Variants in ACACA observed in about 807,000 individuals in gnomAD.
ACACA encodes the protein acetyl-CoA carboxylase 1.
Under a neutral mutation model 296.1 loss-of-function variants are expected in ACACA, and 103 were observed. The observed-to-expected ratio is 0.35, with a 90% confidence interval of 0.30 to 0.41. The LOEUF is 0.41. Among genes scored for constraint, ACACA ranks in the 10% least tolerant of loss-of-function variants. ACACA has a pLI of 1.00. For missense variants in ACACA, 1,554 were observed against 2,989.7 expected (o/e 0.52, Z 11.20); for synonymous variants, 953 against 1,038.6 (o/e 0.92, Z 1.58).
intron 1 of ACACA, chr17:37,389,430 C>A (rs1168726184): frequency 1.3e-6 from 2 of 1,528,440 alleles, no homozygotes; most frequent in Admixed American, 2.0e-5. Flanking sequence ...GGCGTGGTGG[C>A]TCACACCTCT....
intron 41 of ACACA, among the ~76,000 whole-genome samples, chr17:37,172,563 A>C (rs902687714): frequency 6.6e-6 from 1 of 152,184 alleles, no homozygotes; most frequent in African/African-American, 2.4e-5. Flanking sequence ...TAGAATGGGA[A>C]TAAAAGAACA....
At chr17:37,157,447 T>C (rs1011387401) in intron 42 of ACACA, among the ~76,000 whole-genome samples, 10 of 152,184 alleles carry the variant, frequency 6.6e-5, no homozygotes, top group African/African-American at 1.9e-4. Flanking sequence ...TGGCTTTTAC[T>C]TGAATGAATT....
chr17:37,085,311 GCATTACAGGGTTCTAGAGAGGAAA>G lies in ACACA; in HGVS notation c.*1981_*2004del. 1 of 275,104 alleles carries G rather than the reference GCATTACAGGGTTCTAGAGAGGAAA, an allele frequency of 3.6e-6. No individual in the cohort carries two copies. Among genetic ancestry groups the G allele is most frequent in the Non-Finnish European group, 6.7e-6 (1 of 148,500 alleles). 17.0% of individuals were successfully genotyped at this position (275,104 alleles called of 1,614,324 possible). ...AGGAGCTCTGGGGATGGGGGAGGAGGCATTACAGGGTTCTAGAGAGGAAACATACTCGTTTGTGTCATAATTTGG... is the reference window on the plus strand; with the variant it reads ...AGGAGCTCTGGGGATGGGGGAGGAGGCATACTCGTTTGTGTCATAATTTGG... On this transcript the variant is annotated 3_prime_UTR_variant, in exon 56 of 56. Coordinates refer to ENST00000616317, the MANE Select transcript of ACACA (RefSeq NM_198834.3).
chr17:37,318,574 G>T (rs11650464), intron 3 of ACACA, among the ~76,000 whole-genome samples: 36,913 of 152,012 alleles, frequency 0.24, 4,832 homozygotes, highest in Admixed American at 0.35. Context: ...TTCTCAACGT[G>T]TGAATTATAA....
intron 1 of ACACA, among the ~76,000 whole-genome samples, chr17:37,342,581 G>A (rs2048436693): frequency 6.7e-6 from 1 of 150,104 alleles, no homozygotes; most frequent in African/African-American, 2.4e-5. Context: ...GAAAATTTTT[G>A]CGGAAGGCTC....
intron 54 of ACACA, among the ~76,000 whole-genome samples, chr17:37,090,935 A>C (rs187714430): frequency 0.014 from 2,133 of 151,500 alleles, 37 homozygotes; most frequent in Middle Eastern, 0.041. Context: ...AAAAAAAAAA[A>C]CCCCAAGATT....
chr17:37,323,969 G>A (rs2047470815), intron 3 of ACACA, among the ~76,000 whole-genome samples: 1 of 152,190 alleles, frequency 6.6e-6, no homozygotes, highest in African/African-American at 2.4e-5. Flanking sequence ...CTGGCCGGGC[G>A]CCTGTAATCC....
chr17:37,324,003 G>A (rs568705709), intron 3 of ACACA, among the ~76,000 whole-genome samples: 16 of 152,286 alleles, frequency 1.1e-4, no homozygotes, highest in Admixed American at 5.2e-4. Context: ...GGCCAAGGCG[G>A]GTGGATCACC....
At chr17:37,130,018 TG>T (rs2075013894) in intron 46 of ACACA, 56 bp downstream of exon 46, 1 of 1,604,164 alleles carries the variant, frequency 6.2e-7, no homozygotes, top group African/African-American at 1.3e-5. Context: ...GGCAGTGAGC[TG>T]TGGTGGAAAT....
Position 37,097,745 on chromosome 17 carries a change from C to T in ACACA, c.6720+85G>A. On this transcript the variant is annotated intron_variant, in intron 53 of 55. Coordinates refer to ENST00000616317, the MANE Select transcript of ACACA (RefSeq NM_198834.3). The surrounding 1 kb of genome is among the most constrained non-coding windows in gnomAD (Gnocchi z 4.8). ...TTGTTTTAATTTGGCCCTCATAGCT[C>T]CCTGCTTATGAGCCTGTGTGCAACA... is the stretch of plus-strand genomic sequence containing the variant. The T allele has an allele frequency of 6.5e-7, 1 of 1,547,708 alleles. No individual in the cohort carries two copies. Among genetic ancestry groups the T allele is most frequent in the Non-Finnish European group, 8.9e-7 (1 of 1,129,122 alleles).
intron 26 of ACACA, 77 bp downstream of exon 26, chr17:37,226,262 C>A (rs1483746538): frequency 4.5e-6 from 5 of 1,122,224 alleles, no homozygotes; most frequent in Non-Finnish European, 6.8e-6. Context: ...AGTGATTAAG[C>A]AAAAGTTCAT....
chr17:37,398,216 C>A (rs1333492056), intron 1 of ACACA, among the ~76,000 whole-genome samples: 2 of 110,738 alleles, frequency 1.8e-5, no homozygotes, highest in Non-Finnish European at 1.7e-5. Flanking sequence ...GGTGACAGAG[C>A]GAGACTCTGT....
chr17:37,223,199 G>A lies in ACACA; in HGVS notation c.3564+313C>T, dbSNP rs3817376. ...ATGCTCTGATCAGCCATATATTTTC[G>A]CTTTTTGTGTTACAAGGAATCCTAA... On this transcript the variant is annotated intron_variant, in intron 28 of 55. Transcript: ENST00000616317. Among the ~76,000 whole-genome samples the A allele has an allele frequency of 6.7e-3, 1,018 of 152,128 alleles. 8 individuals are homozygous for A. The highest frequency in any genetic ancestry group is 0.056 in the East Asian group (289 of 5,176).
At chr17:37,229,492 AT>A in intron 25 of ACACA, among the ~76,000 whole-genome samples, 1 of 151,458 alleles carries the variant, frequency 6.6e-6, no homozygotes, top group Non-Finnish European at 1.5e-5. Flanking sequence ...TTTAGTAGAG[AT>A]GGGGTTTCAC....
chr17:37,260,841 T>A (rs1005702276), intron 11 of ACACA, among the ~76,000 whole-genome samples: 1 of 152,100 alleles, frequency 6.6e-6, no homozygotes, highest in Non-Finnish European at 1.5e-5. Context: ...AAAGCTCACC[T>A]CAGACTAGGA....
chr17:37,262,047 G>A (rs1287901791), intron 11 of ACACA, among the ~76,000 whole-genome samples: 1 of 151,976 alleles, frequency 6.6e-6, no homozygotes, highest in African/African-American at 2.4e-5. Context: ...AACTGGATGG[G>A]GCTTCAGGTT....
intron 1 of ACACA, among the ~76,000 whole-genome samples, chr17:37,390,247 T>TATAATTATATATA (rs1330594617): frequency 1.6e-3 from 59 of 36,228 alleles, no homozygotes; most frequent in South Asian, 4.8e-3. Flanking sequence ...ATATATTATA[T>TATAATTATATATA]ATATATTATA....
chr17:37,341,678 A>G (rs1382262571), intron 1 of ACACA, among the ~76,000 whole-genome samples: 1 of 150,802 alleles, frequency 6.6e-6, no homozygotes, highest in Non-Finnish European at 1.5e-5. Flanking sequence ...CAGCAGAGCA[A>G]GACTCTGTCT....
intron 1 of ACACA, among the ~76,000 whole-genome samples, chr17:37,362,940 A>G (rs1485399178): frequency 7.1e-6 from 1 of 141,434 alleles, no homozygotes; most frequent in Non-Finnish European, 1.5e-5. Context: ...GCGCCACTGC[A>G]CTCCAGCCTG....
Sources: allele counts gnomAD v4.1 joint callset (sites outside exome capture counted in the v4.1 genomes callset), GRCh38; gene constraint gnomAD v4.1.1; non-coding constraint Gnocchi (gnomAD v3.1); transcripts MANE v1.5; gene names NCBI Gene and HGNC (gene_info 2026-07-23, HGNC 2026-07-21).